Variants in LUC7L2 observed in about 807,000 individuals in gnomAD.
LUC7L2 encodes putative RNA-binding protein Luc7-like 2.
LUC7L2 carries 25 observed loss-of-function variants against 52.8 expected under a neutral mutation model. The observed-to-expected ratio is 0.47, with a 90% CI of 0.34 to 0.66. The LOEUF (loss-of-function observed/expected upper bound fraction) is 0.66. Among genes scored for constraint, LUC7L2 ranks in the 30% least tolerant of loss-of-function variants. The pLI, the probability that LUC7L2 is intolerant of heterozygous loss-of-function variation, is 0.01. For synonymous variants in LUC7L2, 144 were observed against 160.9 expected, an observed-to-expected ratio of 0.89 and a Z score of 0.80; for missense variants, 328 against 497.8, an observed-to-expected ratio of 0.66 and a Z score of 3.25.
chr7:139,341,628 A>C lies in LUC7L2; in HGVS notation c.-26+1111A>C, dbSNP rs1798972557. ...GTTTAATTCCTGCATTTCTGAGGCC[A>C]ACCCTCCCACGGAGCCCTGGTTCTG... On this transcript the variant is annotated intron_variant, in intron 1 of 10. Coordinates refer to the LUC7L2 transcript ENST00000541170. The C allele has an allele frequency of 2.7e-6, 4 of 1,501,330 alleles. No homozygotes were observed. The East Asian group carries it at 9.5e-5, about 36-fold the overall frequency. The allele number at this position is 1,501,330 out of a possible 1,614,324, so 93.0% of individuals were successfully genotyped here. A position where few individuals can be genotyped will look rare whatever the true frequency, so the allele number is the denominator to read the frequency against.
intron 1 of LUC7L2, among the ~76,000 whole-genome samples, chr7:139,352,893 T>A (rs1360239873): frequency 1.3e-5 from 2 of 152,222 alleles, no homozygotes; most frequent in Non-Finnish European, 2.9e-5. Context: ...ATTTGAATTT[T>A]AAAATCTACA....
intron 9 of LUC7L2, among the ~76,000 whole-genome samples, chr7:139,421,597 T>G (rs1232750712): frequency 6.6e-6 from 1 of 152,218 alleles, no homozygotes; most frequent in Non-Finnish European, 1.5e-5. Context: ...AAGTGGTTAT[T>G]TAAATTCATA....
chr7:139,340,524 C>T (rs1379238824), intron 1 of LUC7L2: 2 of 398,414 alleles, frequency 5.0e-6, no homozygotes, highest in African/African-American at 4.1e-5. Context: ...GAGGGTAAAG[C>T]CTTTGGCGCG....
intron 1 of LUC7L2, chr7:139,374,322 C>A: frequency 9.7e-7 from 1 of 1,025,984 alleles, no homozygotes; most frequent in Non-Finnish European, 1.5e-6. Context: ...ACATGTACTT[C>A]TAGATGCTGT....
At chr7:139,390,721 A>AATTTTTCTGT (rs1289578250) in intron 2 of LUC7L2, among the ~76,000 whole-genome samples, 3 of 151,702 alleles carry the variant, frequency 2.0e-5, no homozygotes, top group African/African-American at 7.3e-5. Context: ...ATGCCCGGCT[A>AATTTTTCTGT]ATTTTTCTGT....
At chr7:139,344,073 C>T (rs1799138958) in intron 1 of LUC7L2, among the ~76,000 whole-genome samples, 1 of 152,018 alleles carries the variant, frequency 6.6e-6, no homozygotes, top group South Asian at 2.1e-4. Context: ...TTTCTCACAG[C>T]CTTGAATACA....
intron 3 of LUC7L2, among the ~76,000 whole-genome samples, chr7:139,400,365 C>T (rs1042962240): frequency 2.6e-5 from 4 of 151,996 alleles, no homozygotes; most frequent in Admixed American, 1.3e-4. Flanking sequence ...AAAAATTAGC[C>T]GGGCATGGTG....
intron 8 of LUC7L2, among the ~76,000 whole-genome samples, chr7:139,413,381 T>C (rs1039082663): frequency 6.6e-6 from 1 of 152,214 alleles, no homozygotes; most frequent in Non-Finnish European, 1.5e-5. Context: ...ACCATTCCTC[T>C]TGTTCAGATC....
intron 1 of LUC7L2, among the ~76,000 whole-genome samples, chr7:139,371,721 C>G (rs527561538): frequency 1.3e-5 from 2 of 152,024 alleles, no homozygotes; most frequent in Non-Finnish European, 2.9e-5. Context: ...TGACAGTGGG[C>G]TTATTTTTTC....
At chr7:139,393,168 G>A (rs1015112980) in intron 2 of LUC7L2, among the ~76,000 whole-genome samples, 5 of 152,024 alleles carry the variant, frequency 3.3e-5, no homozygotes, top group Admixed American at 1.3e-4. Flanking sequence ...TAGGGAGGCC[G>A]AGGCAGGAGA....
intron 1 of LUC7L2, among the ~76,000 whole-genome samples, chr7:139,343,321 C>T (rs554239247): frequency 6.6e-6 from 1 of 152,328 alleles, no homozygotes; most frequent in East Asian, 1.9e-4. Flanking sequence ...TGTTTTTAAG[C>T]AGCTAATGAA....
At chr7:139,399,448 G>GTTT (rs1794799799) in intron 3 of LUC7L2, among the ~76,000 whole-genome samples, 10 of 83,176 alleles carry the variant, frequency 1.2e-4, no homozygotes, top group Non-Finnish European at 1.4e-4. Context: ...GTGTTTGGGG[G>GTTT]ATTTTTTTTT....
intron 8 of LUC7L2, among the ~76,000 whole-genome samples, chr7:139,415,941 C>T (rs555701265): frequency 7.9e-5 from 12 of 151,122 alleles, no homozygotes; most frequent in African/African-American, 2.9e-4. Flanking sequence ...TGTAAACTAT[C>T]TCATATGTAT....
intron 1 of LUC7L2, among the ~76,000 whole-genome samples, chr7:139,354,859 CT>C (rs35111843): frequency 0.39 from 55,091 of 142,134 alleles, 14,222 homozygotes; most frequent in African/African-American, 0.76. Flanking sequence ...TCTTGCTGGA[CT>C]TTTTTTTTTT....
At chr7:139,417,808 T>G in intron 9 of LUC7L2, 79 bp downstream of exon 9, 1 of 1,504,094 alleles carries the variant, frequency 6.6e-7, no homozygotes, top group Non-Finnish European at 8.9e-7. Flanking sequence ...TTACTTATGT[T>G]TAGAGTTCAG....
chr7:139,387,826 C>T (rs1292269596), intron 2 of LUC7L2, among the ~76,000 whole-genome samples: 1 of 152,030 alleles, frequency 6.6e-6, no homozygotes, highest in Non-Finnish European at 1.5e-5. Context: ...CATTATAGCT[C>T]ACTGAAGCCT....
intron 2 of LUC7L2, among the ~76,000 whole-genome samples, chr7:139,387,829 T>G (rs1450001853): frequency 6.6e-6 from 1 of 152,066 alleles, no homozygotes; most frequent in Non-Finnish European, 1.5e-5. Flanking sequence ...TATAGCTCAC[T>G]GAAGCCTGAA....
intron 1 of LUC7L2, among the ~76,000 whole-genome samples, chr7:139,348,342 T>C (rs979211651): frequency 6.6e-6 from 1 of 152,022 alleles, no homozygotes; most frequent in African/African-American, 2.4e-5. Context: ...CTGGCCATTA[T>C]TTTTCAAGAA....
intron 8 of LUC7L2, chr7:139,417,331 G>A (rs1795667214): frequency 1.6e-6 from 1 of 616,440 alleles, no homozygotes; most frequent in Admixed American, 3.2e-5. Flanking sequence ...GTGAGCCACG[G>A]CGCCTGGCTG....
Sources: allele counts gnomAD v4.1 joint callset (sites outside exome capture counted in the v4.1 genomes callset), GRCh38; gene constraint gnomAD v4.1.1; transcripts MANE v1.5; gene names NCBI Gene and HGNC (gene_info 2026-07-23, HGNC 2026-07-21).